Variants in MYOCD observed in about 807,000 individuals in gnomAD.
The protein encoded by MYOCD is myocardin.
In MYOCD, 32 loss-of-function variants were observed where a neutral mutation model predicts 96.1. That is an observed-to-expected ratio of 0.33 (90% CI 0.25 to 0.45). MYOCD has a LOEUF of 0.45. Among genes scored for constraint, MYOCD ranks in the 20% least tolerant of loss-of-function variants. The pLI, the probability that MYOCD is intolerant of heterozygous loss-of-function variation, is 1.00. For synonymous variants in MYOCD, 469 were observed against 469.0 expected, an observed-to-expected ratio of 1.00 and a Z score of 0.00; for missense variants, 1,133 against 1,200.6, an observed-to-expected ratio of 0.94 and a Z score of 0.83.
chr17:12,715,779 T>C (rs1398003300), intron 3 of MYOCD, among the ~76,000 whole-genome samples: 1 of 152,196 alleles, frequency 6.6e-6, no homozygotes, highest in African/African-American at 2.4e-5. Flanking sequence ...AACTCCTATT[T>C]TTCAGCTTTT....
intron 10 of MYOCD, among the ~76,000 whole-genome samples, chr17:12,754,171 C>T (rs1029009139): frequency 1.2e-4 from 18 of 151,986 alleles, no homozygotes; most frequent in Admixed American, 1.2e-3. Flanking sequence ...GTGGCGTGAT[C>T]TTGGCTCACT....
rs569642677 is a variant in MYOCD, at chr17:12,677,385, T to A, written c.55+11142T>A. ...TTTACCTGGGTAACAAACCTGCACA[T>A]CCTGCACATGTGCCCCTAAACTTAA... On this transcript the variant is annotated intron_variant, in intron 1 of 13. Transcript: ENST00000425538. Among the ~76,000 whole-genome samples the A allele has an allele frequency of 1.9e-3, 287 of 152,016 alleles. 2 individuals carry two copies. The highest frequency in any genetic ancestry group is 6.8e-3 in the Middle Eastern group (2 of 294).
intron 7 of MYOCD, among the ~76,000 whole-genome samples, chr17:12,739,929 T>C (rs971077163): frequency 6.6e-6 from 1 of 152,084 alleles, no homozygotes; most frequent in African/African-American, 2.4e-5. Context: ...GTGGTGATTT[T>C]TTTTCTTTTT....
chr17:12,709,108 A>G (rs1260135340), intron 2 of MYOCD, among the ~76,000 whole-genome samples: 2 of 152,144 alleles, frequency 1.3e-5, no homozygotes, highest in African/African-American at 4.8e-5. Context: ...TCTCCCTTCA[A>G]TTGCATTCCA....
At chr17:12,717,317 A>C in intron 3 of MYOCD, 29 bp from the exon 4 acceptor site, 1 of 1,571,788 alleles carries the variant, frequency 6.4e-7, no homozygotes, top group Admixed American at 1.7e-5. Context: ...AGGTAAAACT[A>C]GGTGATTTCT....
intron 4 of MYOCD, among the ~76,000 whole-genome samples, chr17:12,720,033 G>C (rs1304710483): frequency 1.3e-5 from 2 of 152,068 alleles, no homozygotes; most frequent in Non-Finnish European, 2.9e-5. Context: ...GTCGTTAGCT[G>C]TACCTGGAAG....
rs78969956 is a variant in MYOCD, at chr17:12,732,873, G to A, written c.416-3288G>A. On this transcript the variant is annotated intron_variant, in intron 5 of 13. Transcript: ENST00000425538. ...TCCACCCCTTTACTGAGGCAAGTCC[G>A]AATTAAATTCATCGGGACTCTCCCT... Among the ~76,000 whole-genome samples, 88 of 152,230 alleles carry A rather than the reference G, an allele frequency of 5.8e-4. No homozygotes were observed. The East Asian group carries it at 6.4e-3, about 11-fold the overall frequency.
chr17:12,744,448 A>G lies in MYOCD; in HGVS notation c.971+12A>G, dbSNP rs776317483. 6.3e-7 allele frequency: 1 copy of G among 1,596,368 alleles called. No individual in the cohort carries two copies. Among genetic ancestry groups the G allele is most frequent in the Non-Finnish European group, 8.5e-7 (1 of 1,171,084 alleles). The stretch of plus-strand genomic sequence containing the variant: ...CAAGCTCAGCTTAAGTAAGTCCGGC[A>G]AGGCTGGGAGGGTGGCTGTGGGCAG... On this transcript the variant is annotated intron_variant, in intron 8 of 13. Coordinates refer to ENST00000425538, the MANE Select transcript of MYOCD (RefSeq NM_001146312.3).
intron 13 of MYOCD, 47 bp from the exon 14 acceptor site, chr17:12,763,026 G>A (rs1365524314): frequency 6.7e-7 from 1 of 1,492,338 alleles, no homozygotes; most frequent in Non-Finnish European, 9.1e-7. Flanking sequence ...TGTGTGGCAT[G>A]CTCAATTTGA....
intron 6 of MYOCD, 61 bp downstream of exon 6, chr17:12,736,397 A>T (rs1451143352): frequency 3.9e-6 from 6 of 1,536,224 alleles, no homozygotes; most frequent in Non-Finnish European, 5.3e-6. Flanking sequence ...TTATCGTTTC[A>T]GTCTTAACAT....
chr17:12,737,373 A>G (rs890966934), intron 6 of MYOCD, among the ~76,000 whole-genome samples: 26 of 152,230 alleles, frequency 1.7e-4, no homozygotes, highest in African/African-American at 6.0e-4. Flanking sequence ...CTCATTTGAA[A>G]TCAGAGACCC....
Position 12,767,749 on chromosome 17 carries a change from T to C in MYOCD, c.*4105T>C, listed in dbSNP as rs2033378970. 6.6e-6 allele frequency: 1 copy of C among 152,214 alleles called. No homozygotes were observed. The highest frequency in any genetic ancestry group is 1.5e-5 in the Non-Finnish European group (1 of 68,026). The allele number at this position is 152,214 out of a possible 1,614,324, so 9.4% of individuals were successfully genotyped here. A position where few individuals can be genotyped will look rare whatever the true frequency, so the allele number is the denominator to read the frequency against. ...CAGTAGTCTATCACTTGGAGATCTT[T>C]TAATATCTCCCATCATTTAAAACAT... On this transcript the variant is annotated 3_prime_UTR_variant, in exon 14 of 14. Transcript: ENST00000425538.
Position 12,766,252 on chromosome 17 carries a change from A to G in MYOCD, c.*2608A>G, listed in dbSNP as rs1338796028. 2 of 152,126 alleles carry G rather than the reference A, an allele frequency of 1.3e-5. No homozygotes were observed. The highest frequency in any genetic ancestry group is 2.9e-5 in the Non-Finnish European group (2 of 68,022). 9.4% of individuals were successfully genotyped at this position (152,126 alleles called of 1,614,324 possible). A position where few individuals can be genotyped will look rare whatever the true frequency, so the allele number is the denominator to read the frequency against. On this transcript the variant is annotated 3_prime_UTR_variant, in exon 14 of 14. Coordinates refer to ENST00000425538, the MANE Select transcript of MYOCD (RefSeq NM_001146312.3). ...AGTGTTAATTATTTTTTCCTTGGGT[A>G]TTTCTATCTGAGAGACTAGACCTAG...
At position 12,666,119 on chromosome 17, in the gene MYOCD, C is replaced by T; in HGVS notation, c.-70C>T. On this transcript the variant is annotated 5_prime_UTR_variant, in exon 1 of 14. Transcript: ENST00000425538. ...TTGTTAGCTGCGGTCAGCTGGGCTC[C>T]CGGGAGCCTGTTGCTGGTGGAGAAC... is the stretch of plus-strand genomic sequence containing the variant. 3.2e-6 allele frequency: 4 copies of T among 1,231,630 alleles called. No homozygotes were observed. The highest frequency in any genetic ancestry group is 1.2e-5 in the South Asian group (1 of 81,956). The allele number at this position is 1,231,630 out of a possible 1,614,324, so 76.3% of individuals were successfully genotyped here.
chr17:12,675,598 C>A (rs1225235942), intron 1 of MYOCD, among the ~76,000 whole-genome samples: 2 of 152,206 alleles, frequency 1.3e-5, no homozygotes, highest in East Asian at 3.8e-4. Flanking sequence ...GTGGCTCACA[C>A]CTGTAATCCC....
intron 13 of MYOCD, 138 bp downstream of exon 13, chr17:12,760,845 G>C (rs1029539430): frequency 1.4e-6 from 1 of 706,452 alleles, no homozygotes; most frequent in African/African-American, 1.8e-5. Flanking sequence ...CATTTCCTTT[G>C]AGCTTCTCGC....
At position 12,753,098 on chromosome 17, in the gene MYOCD, G is replaced by A. The variant is rs1321220190; in HGVS notation, c.1810G>A (p.Ala604Thr). 1 of 1,614,060 alleles carries A rather than the reference G, an allele frequency of 6.2e-7. No homozygotes were observed. Among genetic ancestry groups the A allele is most frequent in the Admixed American group, 1.7e-5 (1 of 60,012 alleles). Reference sequence around the variant, plus strand: ...GTGTCACCCACCGGCTTGTGAAGCTGCTCAACTCCAGCCTCTTGGAAATGC... The same window carrying A: ...GTGTCACCCACCGGCTTGTGAAGCTACTCAACTCCAGCCTCTTGGAAATGC... ...SECHPPACEAAQLQPLGNAHC... is the reference protein window; with the variant it reads ...SECHPPACEATQLQPLGNAHC... The change falls in exon 10 of 14, where the codon GCT becomes ACT. Residue 604 changes from alanine to threonine, a missense_variant. Coordinates refer to ENST00000425538, the MANE Select transcript of MYOCD (RefSeq NM_001146312.3).
At chr17:12,702,080 A>T (rs899177794) in intron 1 of MYOCD, among the ~76,000 whole-genome samples, 4 of 152,074 alleles carry the variant, frequency 2.6e-5, no homozygotes, top group Non-Finnish European at 5.9e-5. Context: ...TTATTGCTCA[A>T]ATCCTCTATG....
At chr17:12,708,421 T>G (rs1365337891) in intron 2 of MYOCD, among the ~76,000 whole-genome samples, 8 of 151,270 alleles carry the variant, frequency 5.3e-5, no homozygotes, top group Non-Finnish European at 8.8e-5. Context: ...TGAGACAGAG[T>G]CTCACTGTGT....
Sources: allele counts gnomAD v4.1 joint callset (sites outside exome capture counted in the v4.1 genomes callset), GRCh38; gene constraint gnomAD v4.1.1; transcripts MANE v1.5; gene names NCBI Gene and HGNC (gene_info 2026-07-23, HGNC 2026-07-21).